Variants in ZNF626 observed in about 807,000 individuals in gnomAD.
ZNF626 encodes the protein zinc finger protein 626, also known as CTC-513N18.7.
Under a neutral mutation model 11.7 loss-of-function variants are expected in ZNF626, and 4 were observed. The observed-to-expected ratio is 0.34, with a 90% CI of 0.17 to 0.78. The LOEUF (loss-of-function observed/expected upper bound fraction) is 0.78. ZNF626 is among the 30% of genes least tolerant of loss of function. The probability of loss-of-function intolerance (pLI) is 0.57; values close to 1 mark genes in which losing one functional copy is unlikely to be tolerated. For synonymous variants in ZNF626, 179 were observed against 198.6 expected (o/e 0.90, Z 0.83); for missense variants, 588 against 587.1 (o/e 1.00, Z -0.01).
intron 3 of ZNF626, among the ~76,000 whole-genome samples, chr19:20,628,292 C>G (rs1307216521): frequency 3.3e-5 from 5 of 152,132 alleles, no homozygotes; most frequent in African/African-American, 4.8e-5. Flanking sequence ...TGGGTATATA[C>G]CCAGTAATGG....
At chr19:20,649,755 T>A (rs1369222295) in intron 1 of ZNF626, among the ~76,000 whole-genome samples, 7 of 152,384 alleles carry the variant, frequency 4.6e-5, no homozygotes, top group African/African-American at 1.7e-4. Context: ...AATGTGACTC[T>A]GGAGGTTTGA....
At chr19:20,658,917 T>A (rs1334549571) in intron 1 of ZNF626, among the ~76,000 whole-genome samples, 2 of 152,108 alleles carry the variant, frequency 1.3e-5, no homozygotes, top group African/African-American at 4.8e-5. Context: ...GTACAGCTAC[T>A]TACAGAACTC....
In ZNF626 at chr19:20,624,394, T is replaced by C. The variant is rs1180326892; in HGVS notation, c.1483A>G (p.Ile495Val). The change falls in exon 4 of 4, where the codon ATC becomes GTC. Residue 495 changes from isoleucine (I) to valine (V), a missense_variant. This residue lies in a region of ZNF626 where 43 missense variants were observed against 38.0 expected (regional missense o/e 1.13). Transcript: ENST00000601440. ...ECGKAFNQSSILTTHERIILE... is the reference protein window; with the variant it reads ...ECGKAFNQSSVLTTHERIILE... ...ATGATTCTCTCATGTGTAGTAAGGATTGAGGACTGGTTGAAGGCTTTGCCA... is the reference window on the plus strand; with the variant it reads ...ATGATTCTCTCATGTGTAGTAAGGACTGAGGACTGGTTGAAGGCTTTGCCA... 3 of 737,378 alleles carry C rather than the reference T, an allele frequency of 4.1e-6. No homozygotes were observed. Among genetic ancestry groups the C allele is most frequent in the Admixed American group, 6.0e-5 (2 of 33,172 alleles). 45.7% of individuals were successfully genotyped at this position (737,378 alleles called of 1,614,324 possible). A position where few individuals can be genotyped will look rare whatever the true frequency, so the allele number is the denominator to read the frequency against.
intron 1 of ZNF626, among the ~76,000 whole-genome samples, chr19:20,651,612 CTT>C (rs1242959723): frequency 1.3e-5 from 2 of 152,140 alleles, no homozygotes; most frequent in Non-Finnish European, 2.9e-5. Flanking sequence ...ATTAACCACT[CTT>C]GTCAGCCTGA....
At chr19:20,652,509 A>C (rs1482045095) in intron 1 of ZNF626, among the ~76,000 whole-genome samples, 1 of 152,230 alleles carries the variant, frequency 6.6e-6, no homozygotes, top group African/African-American at 2.4e-5. Context: ...TATTTACAAA[A>C]ATAACATTGA....
intron 3 of ZNF626, among the ~76,000 whole-genome samples, chr19:20,633,341 G>C (rs1969929592): frequency 6.6e-6 from 1 of 152,006 alleles, no homozygotes; most frequent in South Asian, 2.1e-4. Context: ...AGTCTGCAGA[G>C]GTTACTGCTG....
chr19:20,648,893 T>C (rs148247709), intron 1 of ZNF626, among the ~76,000 whole-genome samples: 153 of 152,336 alleles, frequency 1.0e-3, no homozygotes, highest in Middle Eastern at 3.4e-3. Context: ...TAAGAAGCTA[T>C]GATGCGGAGA....
intron 3 of ZNF626, among the ~76,000 whole-genome samples, chr19:20,638,581 G>A (rs968395880): frequency 1.4e-4 from 21 of 151,908 alleles, no homozygotes; most frequent in East Asian, 3.9e-4. Context: ...ATGGAAAAAC[G>A]TATATTCCAT....
rs1266597152 is a variant in ZNF626 at position 20,621,301 on chromosome 19, T to G, written c.*2989A>C. On this transcript the variant is annotated 3_prime_UTR_variant, in exon 4 of 4. Coordinates refer to ENST00000601440, the MANE Select transcript of ZNF626 (RefSeq NM_001076675.3). Reference sequence around the variant, plus strand: ...ACCACCATGCCCAACTAATTTTTGTTGTTTTAGTAGAGAGTTTCACAATGT... The same window carrying G: ...ACCACCATGCCCAACTAATTTTTGTGGTTTTAGTAGAGAGTTTCACAATGT... The G allele has an allele frequency of 6.6e-6, 1 of 152,046 alleles. No individual in the cohort carries two copies. Among genetic ancestry groups the G allele is most frequent in the African/African-American group, 2.4e-5 (1 of 41,392 alleles). 9.4% of individuals were successfully genotyped at this position (152,046 alleles called of 1,614,324 possible).
At chr19:20,639,679 G>A (rs1970002899) in intron 3 of ZNF626, among the ~76,000 whole-genome samples, 2 of 152,184 alleles carry the variant, frequency 1.3e-5, no homozygotes, top group Admixed American at 1.3e-4. Context: ...TGAGGCTACA[G>A]AGAGCCAAAA....
chr19:20,631,395 C>T lies in ZNF626; in HGVS notation c.227-5745G>A, dbSNP rs192113500. Reference sequence around the variant, plus strand: ...AACGTTGACAGTGCAGTGTTAAAGTCTCCCATTATTATTGTGTGGGAGTCT... The same window carrying T: ...AACGTTGACAGTGCAGTGTTAAAGTTTCCCATTATTATTGTGTGGGAGTCT... On this transcript the variant is annotated intron_variant, in intron 3 of 3. Coordinates refer to ENST00000601440, the MANE Select transcript of ZNF626 (RefSeq NM_001076675.3). 4.0e-3 allele frequency among the ~76,000 whole-genome samples: 609 copies of T among 152,252 alleles called. 7 individuals are homozygous for T. Among genetic ancestry groups the T allele is most frequent in the African/African-American group, 0.014 (580 of 41,532 alleles).
chr19:20,629,005 A>G (rs1255328389), intron 3 of ZNF626, among the ~76,000 whole-genome samples: 2 of 152,182 alleles, frequency 1.3e-5, no homozygotes, highest in African/African-American at 4.8e-5. Context: ...ACATATGGCT[A>G]GCCAGTTTTC....
intron 3 of ZNF626, among the ~76,000 whole-genome samples, chr19:20,629,353 A>C (rs1443132999): frequency 5.9e-5 from 9 of 152,138 alleles, no homozygotes; most frequent in African/African-American, 2.2e-4. Context: ...ATGGCATTGA[A>C]TCTATAAATT....
Position 20,661,533 on chromosome 19 carries a change from A to AGAAG in ZNF626, c.-91_-88dup, listed in dbSNP as rs2144801080. 1 of 1,101,720 alleles carries AGAAG rather than the reference A, an allele frequency of 9.1e-7. No individual in the cohort carries two copies. Among genetic ancestry groups the AGAAG allele is most frequent in the African/African-American group, 3.4e-5 (1 of 29,422 alleles). The allele number at this position is 1,101,720 out of a possible 1,614,324, so 68.2% of individuals were successfully genotyped here. On this transcript the variant is annotated 5_prime_UTR_variant, in exon 1 of 4. Transcript: ENST00000601440. ...GGGCCACACAGCCTGGGCCTTTAGG[A>AGAAG]GAAGAACCAGACCTGGAGCTCTGAC...
intron 3 of ZNF626, among the ~76,000 whole-genome samples, chr19:20,639,105 G>C (rs1213397417): frequency 6.6e-6 from 1 of 152,156 alleles, no homozygotes; most frequent in African/African-American, 2.4e-5. Flanking sequence ...TATGGTAAGA[G>C]ACAGAGCAAG....
In ZNF626 at chr19:20,623,710, A is replaced by AATGG; in HGVS notation, c.*576_*579dup. 4.9e-6 allele frequency: 1 copy of AATGG among 206,166 alleles called. No individual in the cohort carries two copies. Among genetic ancestry groups the AATGG allele is most frequent in the South Asian group, 7.6e-5 (1 of 13,236 alleles). 12.8% of individuals were successfully genotyped at this position (206,166 alleles called of 1,614,324 possible). A position where few individuals can be genotyped will look rare whatever the true frequency, so the allele number is the denominator to read the frequency against. On this transcript the variant is annotated 3_prime_UTR_variant, in exon 4 of 4. Coordinates refer to ENST00000601440, the MANE Select transcript of ZNF626 (RefSeq NM_001076675.3). The stretch of plus-strand genomic sequence containing the variant: ...CTTACTTGGGAGGTTGAGGCAGGAG[A>AATGG]ATGGATTGAACCCAGAAGGCGGAGG...
At chr19:20,627,928 CT>C (rs1439387125) in intron 3 of ZNF626, among the ~76,000 whole-genome samples, 5 of 152,200 alleles carry the variant, frequency 3.3e-5, no homozygotes, top group Non-Finnish European at 5.9e-5. Flanking sequence ...ATCCCTCCCC[CT>C]GCCCCTGACG....
At chr19:20,641,203 G>C (rs1555771415) in intron 3 of ZNF626, among the ~76,000 whole-genome samples, 1 of 150,012 alleles carries the variant, frequency 6.7e-6, no homozygotes, top group African/African-American at 2.5e-5. Flanking sequence ...TATTATACCA[G>C]TATTCAAAAA....
chr19:20,642,981 A>T (rs1555771617), intron 3 of ZNF626, among the ~76,000 whole-genome samples: 1 of 151,018 alleles, frequency 6.6e-6, no homozygotes, highest in Non-Finnish European at 1.5e-5. Flanking sequence ...ACTGCACTCC[A>T]GTCTGGATGA....
Sources: allele counts gnomAD v4.1 joint callset (sites outside exome capture counted in the v4.1 genomes callset), GRCh38; gene constraint gnomAD v4.1.1; regional missense constraint gnomAD v4.1.1; transcripts MANE v1.5; gene names NCBI Gene and HGNC (gene_info 2026-07-23, HGNC 2026-07-21).